TSPAN8: variants seen among roughly 807,000 people sequenced by gnomAD.
The protein encoded by TSPAN8 is tetraspanin-8.
Under a neutral mutation model 32.8 loss-of-function variants are expected in TSPAN8, and 21 were observed. The observed-to-expected ratio is 0.64, with a 90% CI of 0.45 to 0.92. The LOEUF is 0.92. Among genes scored for constraint, TSPAN8 ranks in the 40% least tolerant of loss-of-function variants. The pLI, the probability that TSPAN8 is intolerant of heterozygous loss-of-function variation, is 0.00. For missense variants in TSPAN8, 269 were observed against 281.9 expected (o/e 0.95, Z 0.33); for synonymous variants, 95 against 94.6 (o/e 1.00, Z -0.03).
At chr12:71,134,109 TAC>T (rs1160538446) in intron 6 of TSPAN8, among the ~76,000 whole-genome samples, 1 of 152,168 alleles carries the variant, frequency 6.6e-6, no homozygotes, top group East Asian at 1.9e-4. Context: ...ATCTGTAAAA[TAC>T]AGATAGTAAC....
At position 71,125,211 on chromosome 12, in the gene TSPAN8, A is replaced by G; in HGVS notation, c.*123T>C. 1 of 744,744 alleles carries G rather than the reference A, an allele frequency of 1.3e-6. No individual in the cohort carries two copies. Among genetic ancestry groups the G allele is most frequent in the Non-Finnish European group, 2.2e-6 (1 of 445,050 alleles). 46.1% of individuals were successfully genotyped at this position (744,744 alleles called of 1,614,324 possible). A position where few individuals can be genotyped will look rare whatever the true frequency, so the allele number is the denominator to read the frequency against. ...TCTAGAAGATATCTGTGGTCTAGCT[A>G]GCCGAGACATTTTAAAAAGACAGCT... On this transcript the variant is annotated 3_prime_UTR_variant, in exon 9 of 9. Transcript: ENST00000247829.
intron 2 of TSPAN8, among the ~76,000 whole-genome samples, chr12:71,150,989 A>G (rs1872234775): frequency 6.6e-6 from 1 of 152,066 alleles, no homozygotes; most frequent in Non-Finnish European, 1.5e-5. Context: ...TGTCTTTATC[A>G]GCAGTGTGAA....
rs1871840237 is a variant in TSPAN8 at position 71,139,790 on chromosome 12, G to A, written c.182C>T (p.Ala61Val). Residue 61 changes from alanine (A) to valine (V), a missense_variant, in exon 4 of 9, where the codon GCT becomes GTT. By Grantham distance (64) the Ala-to-Val change is moderately conservative. Transcript: ENST00000247829. ...SSYVAVDILI[A>V]VGAIIMILGF... ...CAGAATCATGATGATGGCACCTACA[G>A]CAATCAATATGTCCACAGCAACGTA... 3 of 1,613,866 alleles carry A rather than the reference G, an allele frequency of 1.9e-6. No homozygotes were observed. Among genetic ancestry groups the A allele is most frequent in the South Asian group, 1.1e-5 (1 of 91,076 alleles).
At chr12:71,137,633 G>A (rs537223915) in intron 6 of TSPAN8, among the ~76,000 whole-genome samples, 6 of 152,060 alleles carry the variant, frequency 3.9e-5, no homozygotes, top group Non-Finnish European at 7.4e-5. Flanking sequence ...GAGAGAAAGA[G>A]AGGAGATTCC....
intron 2 of TSPAN8, among the ~76,000 whole-genome samples, chr12:71,145,909 A>G (rs560483683): frequency 4.3e-4 from 66 of 152,344 alleles, no homozygotes; most frequent in African/African-American, 1.5e-3. Flanking sequence ...TAAACTATCA[A>G]CGAAAAAACT....
chr12:71,134,581 A>T (rs1871620689), intron 6 of TSPAN8, among the ~76,000 whole-genome samples: 1 of 152,230 alleles, frequency 6.6e-6, no homozygotes, highest in South Asian at 2.1e-4. Context: ...AGTACTAGCA[A>T]GGAGGGTGCT....
At chr12:71,149,293 G>A (rs528403687) in intron 2 of TSPAN8, among the ~76,000 whole-genome samples, 26 of 151,776 alleles carry the variant, frequency 1.7e-4, no homozygotes, top group East Asian at 3.9e-4. Flanking sequence ...GCTTGAACCC[G>A]GCAGGTGGAG....
chr12:71,157,210 C>CA (rs147692697), intron 2 of TSPAN8: 2,571 of 165,992 alleles, frequency 0.015, 71 homozygotes, highest in African/African-American at 0.057. Context: ...TTCACCTGTT[C>CA]AAACCCAGAA....
At chr12:71,151,524 G>C (rs1239617104) in intron 2 of TSPAN8, among the ~76,000 whole-genome samples, 1 of 152,180 alleles carries the variant, frequency 6.6e-6, no homozygotes, top group Non-Finnish European at 1.5e-5. Context: ...AGAGAGAGAT[G>C]AATGTTTGGC....
chr12:71,149,183 G>A (rs971030020), intron 2 of TSPAN8, among the ~76,000 whole-genome samples: 21 of 151,976 alleles, frequency 1.4e-4, no homozygotes, highest in African/African-American at 5.1e-4. Flanking sequence ...TGGCCAACAT[G>A]GTGAAACCTT....
At chr12:71,131,570 T>C (rs1030898865) in intron 7 of TSPAN8, among the ~76,000 whole-genome samples, 1 of 151,580 alleles carries the variant, frequency 6.6e-6, no homozygotes, top group African/African-American at 2.4e-5. Flanking sequence ...TATTAATTCA[T>C]TGTGATTTAT....
At chr12:71,134,883 TAAAG>T (rs1248328221) in intron 6 of TSPAN8, among the ~76,000 whole-genome samples, 1 of 152,124 alleles carries the variant, frequency 6.6e-6, no homozygotes, top group African/African-American at 2.4e-5. Flanking sequence ...TAAGAGCAGT[TAAAG>T]AAGAAGCTGG....
chr12:71,133,962 C>T (rs1387652882), intron 6 of TSPAN8, among the ~76,000 whole-genome samples: 1 of 152,104 alleles, frequency 6.6e-6, no homozygotes, highest in Non-Finnish European at 1.5e-5. Flanking sequence ...AGCTCTGATA[C>T]ATTGCAATGC....
intron 2 of TSPAN8, among the ~76,000 whole-genome samples, chr12:71,154,297 G>A (rs1872352482): frequency 6.9e-6 from 1 of 145,044 alleles, no homozygotes; most frequent in East Asian, 2.0e-4. Context: ...GCAACAGAGC[G>A]AGACTCTGTC....
At chr12:71,139,900 T>G in intron 3 of TSPAN8, 52 bp from the exon 4 acceptor site, 1 of 1,574,520 alleles carries the variant, frequency 6.4e-7, no homozygotes, top group Non-Finnish European at 8.6e-7. Context: ...TGAAGTTTAT[T>G]TTGCTCATTC....
intron 6 of TSPAN8, among the ~76,000 whole-genome samples, chr12:71,136,101 A>AAT (rs1871688003): frequency 6.6e-6 from 1 of 151,968 alleles, no homozygotes; most frequent in African/African-American, 2.4e-5. Context: ...GAGAAAAAAA[A>AAT]AAGTCACCTG....
intron 2 of TSPAN8, chr12:71,157,060 A>C (rs138726397): frequency 6.6e-6 from 1 of 152,484 alleles, no homozygotes; most frequent in East Asian, 1.9e-4. Context: ...TTAAAATGCC[A>C]ATACATATAT....
chr12:71,143,252 A>T (rs2137055292), intron 3 of TSPAN8, among the ~76,000 whole-genome samples: 1 of 152,278 alleles, frequency 6.6e-6, no homozygotes, highest in Non-Finnish European at 1.5e-5. Context: ...GAAGGGAGAG[A>T]AAAGAATAAA....
intron 3 of TSPAN8, among the ~76,000 whole-genome samples, chr12:71,143,182 A>C (rs985179123): frequency 2.0e-5 from 3 of 152,190 alleles, no homozygotes; most frequent in Non-Finnish European, 2.9e-5. Flanking sequence ...ACAAAGAACA[A>C]ATTAATGGCT....
Sources: allele counts gnomAD v4.1 joint callset (sites outside exome capture counted in the v4.1 genomes callset), GRCh38; gene constraint gnomAD v4.1.1; transcripts MANE v1.5; gene names NCBI Gene and HGNC (gene_info 2026-07-23, HGNC 2026-07-21).